TM9SF2: variants seen among roughly 807,000 people sequenced by gnomAD.
TM9SF2 encodes transmembrane 9 superfamily member 2, also known as 76 kDa membrane protein.
Under a neutral mutation model 84.9 loss-of-function variants are expected in TM9SF2, and 13 were observed. The observed-to-expected ratio is 0.15, with a 90% CI of 0.10 to 0.24. The LOEUF is 0.24. Among genes scored for constraint, TM9SF2 ranks in the 10% least tolerant of loss-of-function variants. The pLI is 1.00. For synonymous variants in TM9SF2, 273 were observed against 285.8 expected (o/e 0.96, Z 0.45); for missense variants, 562 against 818.5 (o/e 0.69, Z 3.82).
chr13:99,524,942 G>A (rs1216823007), intron 3 of TM9SF2, among the ~76,000 whole-genome samples: 4 of 151,674 alleles, frequency 2.6e-5, no homozygotes, highest in Non-Finnish European at 4.4e-5. Context: ...GAGAAAGAAG[G>A]GTAACGGAGA....
intron 1 of TM9SF2, among the ~76,000 whole-genome samples, chr13:99,514,749 C>G (rs1566563681): frequency 6.6e-6 from 1 of 152,240 alleles, no homozygotes; most frequent in Non-Finnish European, 1.5e-5. Context: ...TCTTCAGCTA[C>G]ATTGACTGCA....
At chr13:99,544,705 G>A (rs1339492309) in intron 10 of TM9SF2, among the ~76,000 whole-genome samples, 2 of 152,188 alleles carry the variant, frequency 1.3e-5, no homozygotes, top group African/African-American at 4.8e-5. Flanking sequence ...GGGGCAGGAA[G>A]CACTGTGTAG....
In TM9SF2 at chr13:99,552,305, A is replaced by C. The variant is rs1945173704; in HGVS notation, c.1467A>C (p.Ala489=). The C allele has an allele frequency of 6.2e-7, 1 of 1,613,544 alleles. No individual in the cohort carries two copies. The highest frequency in any genetic ancestry group is 1.1e-5 in the South Asian group (1 of 90,858). Residue 489 remains alanine, a synonymous_variant, in exon 13 of 17, where the codon GCA becomes GCC. Coordinates refer to ENST00000376387, the MANE Select transcript of TM9SF2 (RefSeq NM_004800.3). The stretch of plus-strand genomic sequence containing the variant: ...CTGTGCCTCTGACGTTTATTGGTGC[A>C]TACTTTGGTTTTAAGAAGAATGTAA... ...CISVPLTFIG[A]YFGFKKNAIE...
intron 1 of TM9SF2, among the ~76,000 whole-genome samples, chr13:99,506,212 G>T (rs751225622): frequency 1.1e-4 from 17 of 152,002 alleles, no homozygotes; most frequent in Non-Finnish European, 2.4e-4. Flanking sequence ...TGATCTGAAC[G>T]GACACAGAAT....
chr13:99,554,304 G>A lies in TM9SF2; in HGVS notation c.1489G>A (p.Ala497Thr), dbSNP rs746730228. The change falls in exon 14 of 17, where the codon GCC becomes ACC. Residue 497 changes from alanine to threonine, a missense_variant and splice_region_variant. Around this residue, in one of 4 missense-constraint regions of TM9SF2, gnomAD observed 219 missense variants for 338.1 expected, o/e 0.65. Coordinates refer to ENST00000376387, the MANE Select transcript of TM9SF2 (RefSeq NM_004800.3). ...TTCTTCCTTCCTTTTTTTACTGAAG[G>A]CCATTGAACACCCAGTTCGAACCAA... is the stretch of plus-strand genomic sequence containing the variant. ...IGAYFGFKKNAIEHPVRTNQI... is the reference protein window; with the variant it reads ...IGAYFGFKKNTIEHPVRTNQI... 2 of 1,604,024 alleles carry A rather than the reference G, an allele frequency of 1.2e-6. No homozygotes were observed. The highest frequency in any genetic ancestry group is 1.3e-5 in the African/African-American group (1 of 74,328).
At chr13:99,524,321 T>A (rs886079596) in intron 3 of TM9SF2, among the ~76,000 whole-genome samples, 1 of 152,092 alleles carries the variant, frequency 6.6e-6, no homozygotes, top group Admixed American at 6.6e-5. Context: ...GAGGTCAGAA[T>A]CTGTGAATCT....
At chr13:99,531,929 A>G (rs1406813117) in intron 4 of TM9SF2, among the ~76,000 whole-genome samples, 1 of 152,198 alleles carries the variant, frequency 6.6e-6, no homozygotes, top group East Asian at 1.9e-4. Context: ...GTAATCTTCA[A>G]AATAATATTT....
At chr13:99,540,837 C>A in intron 8 of TM9SF2, 44 bp downstream of exon 8, 1 of 1,501,980 alleles carries the variant, frequency 6.7e-7, no homozygotes, top group African/African-American at 1.4e-5. Context: ...TACTTTTCTA[C>A]CCTCTGTCCC....
intron 1 of TM9SF2, among the ~76,000 whole-genome samples, chr13:99,507,179 G>A (rs1192541714): frequency 6.6e-6 from 1 of 152,166 alleles, no homozygotes; most frequent in East Asian, 1.9e-4. Flanking sequence ...TACAAAGCTA[G>A]TAAGTATTAA....
chr13:99,550,545 G>C (rs1359126752), intron 12 of TM9SF2, among the ~76,000 whole-genome samples: 3 of 152,082 alleles, frequency 2.0e-5, no homozygotes, highest in African/African-American at 7.2e-5. Flanking sequence ...TCTGATTGAT[G>C]TTCTTCATCC....
At chr13:99,557,551 C>T (rs373543463) in intron 15 of TM9SF2, among the ~76,000 whole-genome samples, 8 of 151,398 alleles carry the variant, frequency 5.3e-5, no homozygotes, top group South Asian at 2.1e-4. Flanking sequence ...TTTTTTCTTC[C>T]GTTGCTTATG....
At chr13:99,506,613 G>A (rs1292545498) in intron 1 of TM9SF2, among the ~76,000 whole-genome samples, 2 of 152,208 alleles carry the variant, frequency 1.3e-5, no homozygotes, top group Admixed American at 6.5e-5. Context: ...TTAGAATCAA[G>A]AAAGCAACAA....
chr13:99,503,296 A>AC (rs149583237), intron 1 of TM9SF2, among the ~76,000 whole-genome samples: 3,774 of 152,308 alleles, frequency 0.025, 163 homozygotes, highest in African/African-American at 0.086. Flanking sequence ...AAAGTAAGGG[A>AC]CATAAGCTTA....
At position 99,537,797 on chromosome 13, in the gene TM9SF2, A is replaced by G. The variant is rs2046240855; in HGVS notation, c.650A>G (p.Tyr217Cys). 1.2e-6 allele frequency: 2 copies of G among 1,611,656 alleles called. No homozygotes were observed. Among genetic ancestry groups the G allele is most frequent in the Non-Finnish European group, 1.7e-6 (2 of 1,179,542 alleles). The change falls in exon 6 of 17, where the codon TAC becomes TGC. Residue 217 changes from tyrosine (Y) to cysteine (C), a missense_variant. This residue lies in a region of TM9SF2 where 267 missense variants were observed against 316.7 expected (regional missense o/e 0.84). Coordinates refer to ENST00000376387, the MANE Select transcript of TM9SF2 (RefSeq NM_004800.3). Reference sequence around the variant, plus strand: ...TTCAACCATGTTGACATCAAAATATACTATCATGTTGTTGAAACTGGGTCC... The same window carrying G: ...TTCAACCATGTTGACATCAAAATATGCTATCATGTTGTTGAAACTGGGTCC... ...YIFNHVDIKIYYHVVETGSMG... is the reference protein window; with the variant it reads ...YIFNHVDIKICYHVVETGSMG...
At chr13:99,543,148 C>T (rs2046268029) in intron 9 of TM9SF2, among the ~76,000 whole-genome samples, 1 of 152,192 alleles carries the variant, frequency 6.6e-6, no homozygotes, top group Non-Finnish European at 1.5e-5. Flanking sequence ...ATGGCTAGTT[C>T]CCTTACCTCC....
At chr13:99,534,041 C>T (rs2046223097) in intron 4 of TM9SF2, among the ~76,000 whole-genome samples, 1 of 152,192 alleles carries the variant, frequency 6.6e-6, no homozygotes, top group African/African-American at 2.4e-5. Context: ...TCAGTAGCTG[C>T]TAAGCTATTT....
chr13:99,544,354 C>T (rs9585122), intron 10 of TM9SF2, among the ~76,000 whole-genome samples: 1 of 147,716 alleles, frequency 6.8e-6, no homozygotes, highest in Non-Finnish European at 1.5e-5. Context: ...AAAAAAAAAA[C>T]AAAAAACACC....
chr13:99,536,562 T>C, intron 4 of TM9SF2, 46 bp from the exon 5 acceptor site: 2 of 1,594,228 alleles, frequency 1.3e-6, no homozygotes, highest in Non-Finnish European at 1.7e-6. Context: ...TTCTTTGTCA[T>C]GTTTGGTGGG....
Position 99,559,475 on chromosome 13 carries a change from G to A in TM9SF2, c.1865G>A (p.Ser622Asn). The A allele has an allele frequency of 1.9e-6, 3 of 1,613,986 alleles. No homozygotes were observed. Among genetic ancestry groups the A allele is most frequent in the Non-Finnish European group, 2.5e-6 (3 of 1,179,954 alleles). Residue 622 changes from serine (S) to asparagine (N), a missense_variant, in exon 16 of 17, where the codon AGC becomes AAC. Coordinates refer to ENST00000376387, the MANE Select transcript of TM9SF2 (RefSeq NM_004800.3). ...AAACTGCAGATCACGGGAACAGCAA[G>A]CACAATTCTGTACTTTGGTTATACC... ...FSKLQITGTA[S>N]TILYFGYTMI...
Sources: allele counts gnomAD v4.1 joint callset (sites outside exome capture counted in the v4.1 genomes callset), GRCh38; gene constraint gnomAD v4.1.1; regional missense constraint gnomAD v4.1.1; transcripts MANE v1.5; gene names NCBI Gene and HGNC (gene_info 2026-07-23, HGNC 2026-07-21).